Variants in SNX30 observed in about 807,000 individuals in gnomAD.
The protein encoded by SNX30 is sorting nexin family member 30, also known as sorting nexin-30.
SNX30 carries 24 observed loss-of-function variants against 46.4 expected under a neutral mutation model. The ratio of observed to expected loss-of-function variants is 0.52; its 90% confidence interval spans 0.37 to 0.73. The LOEUF (loss-of-function observed/expected upper bound fraction) is 0.73, where lower values mean the gene tolerates loss of function less well. Among genes scored for constraint, SNX30 ranks in the 30% least tolerant of loss-of-function variants. The pLI is 0.00. For missense variants in SNX30, 533 were observed against 555.7 expected (o/e 0.96, Z 0.41); for synonymous variants, 189 against 211.5 (o/e 0.89, Z 0.92).
intron 2 of SNX30, among the ~76,000 whole-genome samples, chr9:112,811,301 G>C (rs10117017): frequency 0.76 from 115,863 of 152,068 alleles, 44,630 homozygotes; most frequent in South Asian, 0.86. Flanking sequence ...GAATTCTTAA[G>C]ACCCAGCTGT....
At chr9:112,825,253 A>G (rs1387511483) in intron 3 of SNX30, among the ~76,000 whole-genome samples, 1 of 152,138 alleles carries the variant, frequency 6.6e-6, no homozygotes, top group African/African-American at 2.4e-5. Context: ...AACATTTGCT[A>G]TTTTACTTTA....
At chr9:112,773,394 C>T (rs1014924243) in intron 1 of SNX30, among the ~76,000 whole-genome samples, 2 of 145,580 alleles carry the variant, frequency 1.4e-5, no homozygotes, top group South Asian at 2.2e-4. Context: ...AGATTATTTG[C>T]TTTTTTTTTT....
At position 112,870,820 on chromosome 9, in the gene SNX30, A is replaced by G. The variant is rs1205305801; in HGVS notation, c.*1977A>G. On this transcript the variant is annotated 3_prime_UTR_variant, in exon 9 of 9. Coordinates refer to ENST00000374232, the MANE Select transcript of SNX30 (RefSeq NM_001012994.2). ...CAGACCAGCCCAGCAGCAAATGCTCATCTTTGGGAACATAGGAAGCTTTAC... is the reference window on the plus strand; with the variant it reads ...CAGACCAGCCCAGCAGCAAATGCTCGTCTTTGGGAACATAGGAAGCTTTAC... 1.3e-5 allele frequency: 2 copies of G among 152,268 alleles called. No individual in the cohort carries two copies. The highest frequency in any genetic ancestry group is 1.3e-4 in the Admixed American group (2 of 15,290). 9.4% of individuals were successfully genotyped at this position (152,268 alleles called of 1,614,324 possible).
chr9:112,771,597 G>T (rs975331690), intron 1 of SNX30, among the ~76,000 whole-genome samples: 3 of 152,136 alleles, frequency 2.0e-5, no homozygotes, highest in Non-Finnish European at 4.4e-5. Flanking sequence ...TCCCCGGGTG[G>T]CTATTTGACC....
intron 1 of SNX30, among the ~76,000 whole-genome samples, chr9:112,777,737 C>T (rs908517227): frequency 4.0e-5 from 6 of 150,906 alleles, no homozygotes; most frequent in Non-Finnish European, 5.9e-5. Context: ...TGTGAGCCAC[C>T]ACACTTGGCC....
chr9:112,883,700 CT>C (rs71384287), downstream of SNX30, among the ~76,000 whole-genome samples: 94,836 of 121,086 alleles, frequency 0.78, 36,584 homozygotes, highest in East Asian at 0.91. Flanking sequence ...TTTTTCTTTT[CT>C]TTTTTTTTTT....
intron 1 of SNX30, among the ~76,000 whole-genome samples, chr9:112,784,110 TTTCCACCTA>T (rs1032798341): frequency 6.6e-6 from 1 of 152,168 alleles, no homozygotes; most frequent in African/African-American, 2.4e-5. Context: ...AGACTGTTTT[TTTCCACCTA>T]GGAAACATTC....
At chr9:112,759,253 A>G (rs1040534719) in intron 1 of SNX30, among the ~76,000 whole-genome samples, 5 of 152,034 alleles carry the variant, frequency 3.3e-5, no homozygotes, top group African/African-American at 1.2e-4. Flanking sequence ...GACCTCTGAC[A>G]TACTCCTCAG....
intron 7 of SNX30, among the ~76,000 whole-genome samples, chr9:112,853,265 C>T (rs1294881543): frequency 6.6e-6 from 1 of 152,222 alleles, no homozygotes; most frequent in Non-Finnish European, 1.5e-5. Flanking sequence ...CTGGCACCCT[C>T]CCTCTGGTTC....
chr9:112,812,235 G>A (rs1840331723), intron 2 of SNX30, among the ~76,000 whole-genome samples: 1 of 152,098 alleles, frequency 6.6e-6, no homozygotes, highest in Non-Finnish European at 1.5e-5. Context: ...CTGGGTCAGA[G>A]AGTGTGCAAG....
chr9:112,809,189 C>T (rs1008221615), intron 2 of SNX30, among the ~76,000 whole-genome samples: 5 of 151,626 alleles, frequency 3.3e-5, no homozygotes, highest in Non-Finnish European at 5.9e-5. Context: ...CAGGTTCAAG[C>T]GATTCTCCTG....
chr9:112,795,942 A>G (rs141031672), intron 1 of SNX30, among the ~76,000 whole-genome samples: 28 of 152,250 alleles, frequency 1.8e-4, no homozygotes, highest in African/African-American at 6.0e-4. Flanking sequence ...GAGTAATTCT[A>G]CCAGGGAGTG....
chr9:112,810,625 C>T (rs182039982), intron 2 of SNX30, among the ~76,000 whole-genome samples: 56 of 151,922 alleles, frequency 3.7e-4, no homozygotes, highest in Non-Finnish European at 4.9e-4. Flanking sequence ...TCCCTGGTGA[C>T]GGTCTGGGAG....
chr9:112,764,797 A>G (rs1345390881), intron 1 of SNX30, among the ~76,000 whole-genome samples: 1 of 152,210 alleles, frequency 6.6e-6, no homozygotes, highest in Non-Finnish European at 1.5e-5. Context: ...CTTAGCAAAA[A>G]GGTGAGCCTA....
intron 8 of SNX30, among the ~76,000 whole-genome samples, chr9:112,865,801 G>T (rs2131510440): frequency 6.7e-6 from 1 of 149,958 alleles, no homozygotes; most frequent in Admixed American, 6.6e-5. Flanking sequence ...ATTGCGATAG[G>T]GTCAAAAACT....
At chr9:112,859,256 C>T (rs190246349) in intron 7 of SNX30, among the ~76,000 whole-genome samples, 154 of 152,148 alleles carry the variant, frequency 1.0e-3, no homozygotes, top group Middle Eastern at 6.8e-3. Context: ...GTTAGAATTC[C>T]CTTCCTTTTT....
chr9:112,760,110 G>A (rs1353670637), intron 1 of SNX30, among the ~76,000 whole-genome samples: 2 of 152,210 alleles, frequency 1.3e-5, no homozygotes, highest in African/African-American at 4.8e-5. Flanking sequence ...AATACAAGGA[G>A]TTAGTTGCAT....
chr9:112,881,595 AT>A (rs1226631920), exon 6 of SNX30: 1 of 152,248 alleles, frequency 6.6e-6, no homozygotes, highest in Admixed American at 6.5e-5. Flanking sequence ...GTGCTGACTT[AT>A]TAGTCAGCGT....
At chr9:112,807,052 CTTTTTTTTTTTTTTTTTT>C (rs10554051) in intron 2 of SNX30, among the ~76,000 whole-genome samples, 7 of 63,030 alleles carry the variant, frequency 1.1e-4, no homozygotes, top group South Asian at 1.9e-3. Context: ...TCTTTTCTAT[CTTTTTTTTTTTTTTTTTT>C]TTTTTTTTTT....
Sources: allele counts gnomAD v4.1 joint callset (sites outside exome capture counted in the v4.1 genomes callset), GRCh38; gene constraint gnomAD v4.1.1; transcripts MANE v1.5; gene names NCBI Gene and HGNC (gene_info 2026-07-23, HGNC 2026-07-21).